Variants in TEX11 observed in about 807,000 individuals in gnomAD.
The protein encoded by TEX11 is testis-expressed protein 11.
Under a neutral mutation model 84.4 loss-of-function variants are expected in TEX11, and 7 were observed. The observed-to-expected ratio is 0.08, with a 90% confidence interval of 0.05 to 0.16. TEX11 has a LOEUF of 0.16. TEX11 is among the 10% of genes least tolerant of loss of function. The probability of loss-of-function intolerance (pLI) is 1.00; values close to 1 mark genes in which losing one functional copy is unlikely to be tolerated. For synonymous variants in TEX11, 264 were observed against 222.8 expected, an observed-to-expected ratio of 1.18 and a Z score of -1.64; for missense variants, 551 against 660.5, an observed-to-expected ratio of 0.83 and a Z score of 1.82.
At chrX:70,536,274 A>G (rs1284756153) in intron 28 of TEX11, among the ~76,000 whole-genome samples, 1 of 110,915 alleles carries the variant, frequency 9.0e-6, no homozygotes, top group Non-Finnish European at 1.9e-5. Context: ...TTTTTCATAG[A>G]GACAAGATCT....
chrX:70,601,579 C>T lies in TEX11; in HGVS notation c.2067+3822G>A, dbSNP rs1313609179. On this transcript the variant is annotated intron_variant, in intron 24 of 29. Transcript: ENST00000374333. ...TTATTGATCATTCTTGGGTGTTTCT[C>T]GCAGAGGGGGATTTGGCAGGGTCAT... Among the ~76,000 whole-genome samples the T allele has an allele frequency of 4.2e-5, 3 of 71,123 alleles. No homozygotes were observed. In the East Asian group the frequency reaches 1.3e-3, roughly 30 times the overall value. The allele number at this position is 71,123 out of a possible 115,157, so 61.8% of individuals were successfully genotyped here. A position where few individuals can be genotyped will look rare whatever the true frequency, so the allele number is the denominator to read the frequency against.
chrX:70,690,684 G>A (rs1457002993), intron 13 of TEX11, among the ~76,000 whole-genome samples: 1 of 111,311 alleles, frequency 9.0e-6, no homozygotes, highest in Admixed American at 9.6e-5. Context: ...GGTGCTAAGA[G>A]TGAGGCCCTG....
intron 9 of TEX11, among the ~76,000 whole-genome samples, chrX:70,745,896 T>A (rs891827892): frequency 1.8e-5 from 2 of 111,373 alleles, no homozygotes; most frequent in African/African-American, 3.3e-5. Context: ...TCCACTTTTT[T>A]AAATAACCAG....
At chrX:70,512,185 T>C in the TEX11 span, among the ~76,000 whole-genome samples, 3 of 107,777 alleles carry the variant, frequency 2.8e-5, 1 homozygote, top group African/African-American at 1.0e-4. Context: ...GTCCAAATCC[T>C]ATACATCTTT....
chrX:70,861,124 G>C (rs1170819509), intron 4 of TEX11, among the ~76,000 whole-genome samples, 188 bp from the exon 5 acceptor site: 2 of 98,940 alleles, frequency 2.0e-5, no homozygotes, highest in Non-Finnish European at 4.1e-5. Context: ...TGCAGTGGCG[G>C]GATCTCGGCT....
At chrX:70,717,172 C>CAAAA (rs11430709) in intron 13 of TEX11, among the ~76,000 whole-genome samples, 1 of 96,387 alleles carries the variant, frequency 1.0e-5, no homozygotes, top group Non-Finnish European at 2.1e-5. Flanking sequence ...GGTGAAATTT[C>CAAAA]AAAAAAAAAA....
chrX:70,600,833 C>A (rs1242909588), intron 24 of TEX11, among the ~76,000 whole-genome samples: 1 of 43,869 alleles, frequency 2.3e-5, no homozygotes, highest in Non-Finnish European at 4.3e-5. Flanking sequence ...AACAAAGACA[C>A]AACATACCAG....
At chrX:70,883,500 C>G (rs1034642444) in intron 2 of TEX11, among the ~76,000 whole-genome samples, 1 of 110,865 alleles carries the variant, frequency 9.0e-6, no homozygotes, top group African/African-American at 3.3e-5. Flanking sequence ...GTGGGAGGAT[C>G]GCTTGAGCCT....
chrX:70,843,706 T>G (rs768619060), intron 7 of TEX11, among the ~76,000 whole-genome samples: 7 of 111,294 alleles, frequency 6.3e-5, no homozygotes, highest in African/African-American at 2.0e-4. Context: ...TGCAATCTAC[T>G]CATCTGACAA....
chrX:70,787,252 C>T (rs1478446641), intron 9 of TEX11, among the ~76,000 whole-genome samples: 1 of 112,561 alleles, frequency 8.9e-6, no homozygotes, highest in Non-Finnish European at 1.9e-5. Flanking sequence ...AAGAAACCCA[C>T]AGCTAACATT....
intron 11 of TEX11, among the ~76,000 whole-genome samples, chrX:70,735,816 GT>G (rs1435686855): frequency 1.8e-5 from 2 of 111,784 alleles, no homozygotes; most frequent in African/African-American, 6.5e-5. Flanking sequence ...ATGTAAAGTG[GT>G]TTCTCATTGT....
At chrX:70,744,743 T>G (rs967734130) in intron 9 of TEX11, among the ~76,000 whole-genome samples, 1 of 110,416 alleles carries the variant, frequency 9.1e-6, no homozygotes, top group Non-Finnish European at 1.9e-5. Flanking sequence ...TGGAGTCTCA[T>G]TCTGTCACCC....
At chrX:70,683,449 G>A (rs1262137021) in intron 13 of TEX11, among the ~76,000 whole-genome samples, 1 of 111,209 alleles carries the variant, frequency 9.0e-6, no homozygotes, top group African/African-American at 3.3e-5. Context: ...TGGGCAAGAT[G>A]GCAAAAGCCT....
intron 9 of TEX11, among the ~76,000 whole-genome samples, chrX:70,750,933 A>AAAAAAAAAAAATATATATATATAT (rs1390175136): frequency 3.5e-5 from 1 of 28,187 alleles, no homozygotes; most frequent in African/African-American, 1.2e-4. Context: ...AAAAAAAAAA[A>AAAAAAAAAAAATATATATATATAT]ATATATATAT....
At chrX:70,739,681 A>G (rs902541665) in intron 11 of TEX11, among the ~76,000 whole-genome samples, 3 of 111,748 alleles carry the variant, frequency 2.7e-5, no homozygotes, top group African/African-American at 9.8e-5. Context: ...AAGTGCTGGG[A>G]TTACAGGCAT....
At chrX:70,674,099 T>C (rs778056373) in intron 15 of TEX11, among the ~76,000 whole-genome samples, 579 of 110,196 alleles carry the variant, frequency 5.3e-3, no homozygotes, top group Middle Eastern at 0.014. Flanking sequence ...TCCTTCTTTG[T>C]GTTCATAAGT....
chrX:70,745,913 G>A (rs2090765039), intron 9 of TEX11, among the ~76,000 whole-genome samples: 1 of 110,829 alleles, frequency 9.0e-6, no homozygotes, highest in Non-Finnish European at 1.9e-5. Flanking sequence ...CCAGTGAGGG[G>A]TGGAACTTCT....
the TEX11 span, among the ~76,000 whole-genome samples, chrX:70,521,429 A>C: frequency 9.1e-6 from 1 of 110,128 alleles, no homozygotes; most frequent in Non-Finnish European, 1.9e-5. Flanking sequence ...GGCGCCCTCT[A>C]CCATGCCCGG....
chrX:70,579,049 G>A lies in TEX11; in HGVS notation c.2140+12702C>T, dbSNP rs190017763. 1.7e-4 allele frequency among the ~76,000 whole-genome samples: 19 copies of A among 109,478 alleles called. No individual in the cohort carries two copies. In the East Asian group the frequency reaches 4.0e-3, roughly 23 times the overall value. On this transcript the variant is annotated intron_variant, in intron 25 of 29. Transcript: ENST00000374333. Reference sequence around the variant, plus strand: ...GGCCTCCCAAAGTGCTGGTTACTGCGCCCAGCCAGAAGTTGAACTTTTAAT... The same window carrying A: ...GGCCTCCCAAAGTGCTGGTTACTGCACCCAGCCAGAAGTTGAACTTTTAAT...
Sources: gnomAD v4.1 joint callset for allele counts (sites outside exome capture counted in the v4.1 genomes callset) on GRCh38, gnomAD v4.1.1 for gene constraint, MANE v1.5 for transcripts, NCBI Gene and HGNC (gene_info 2026-07-23, HGNC 2026-07-21) for gene names.